EEPD1: variants seen among roughly 807,000 people sequenced by gnomAD.
EEPD1 encodes endonuclease/exonuclease/phosphatase family domain-containing protein 1.
A neutral mutation model predicts 46.3 loss-of-function variants in EEPD1; 17 were observed. The observed-to-expected ratio is 0.37, with a 90% CI of 0.25 to 0.55. EEPD1 has a LOEUF of 0.55. EEPD1 is among the 20% of genes least tolerant of loss of function. The pLI, the probability that EEPD1 is intolerant of heterozygous loss-of-function variation, is 0.83. For missense variants in EEPD1, 673 were observed against 745.6 expected (o/e 0.90, Z 1.13); for synonymous variants, 313 against 315.6 (o/e 0.99, Z 0.09).
intron 2 of EEPD1, among the ~76,000 whole-genome samples, chr7:36,192,914 T>C (rs1449624662): frequency 6.6e-6 from 1 of 152,182 alleles, no homozygotes; most frequent in Non-Finnish European, 1.5e-5. Flanking sequence ...GGTGGCCAGA[T>C]CTCCGGACCA....
Position 36,164,731 on chromosome 7 carries a change from A to G in EEPD1, c.878+9529A>G, listed in dbSNP as rs889037561. Among the ~76,000 whole-genome samples, 3 of 152,188 alleles carry G rather than the reference A, an allele frequency of 2.0e-5. No homozygotes were observed. The East Asian group carries it at 5.8e-4, about 29-fold the overall frequency. ...TATTTTGGTCAATGATAGATGGTGT[A>G]TATGTTCCCAGAAGATTATAATGGA... On this transcript the variant is annotated intron_variant, in intron 2 of 7. Coordinates refer to ENST00000242108, the MANE Select transcript of EEPD1 (RefSeq NM_030636.3).
chr7:36,255,440 A>G (rs6973430), intron 3 of EEPD1, among the ~76,000 whole-genome samples: 71,626 of 152,052 alleles, frequency 0.47, 17,130 homozygotes, highest in Non-Finnish European at 0.51. Context: ...CAAAGATCAA[A>G]TGGTTGTAGA....
At chr7:36,283,107 A>G (rs1787286286) in intron 4 of EEPD1, among the ~76,000 whole-genome samples, 1 of 152,178 alleles carries the variant, frequency 6.6e-6, no homozygotes, top group South Asian at 2.1e-4. Flanking sequence ...AGACCTAGTA[A>G]GATGAAATGA....
chr7:36,228,392 T>C (rs980417601), intron 2 of EEPD1, among the ~76,000 whole-genome samples: 5 of 152,096 alleles, frequency 3.3e-5, no homozygotes, highest in African/African-American at 1.2e-4. Context: ...CCAAGCATGG[T>C]GGCACACACC....
intron 6 of EEPD1, among the ~76,000 whole-genome samples, chr7:36,294,102 G>C (rs1787487654): frequency 6.6e-6 from 1 of 152,140 alleles, no homozygotes; most frequent in African/African-American, 2.4e-5. Context: ...ATACACGTCT[G>C]CTCCTCTGTG....
intron 2 of EEPD1, among the ~76,000 whole-genome samples, chr7:36,198,640 A>G (rs1785656995): frequency 1.3e-5 from 2 of 152,358 alleles, no homozygotes; most frequent in African/African-American, 4.8e-5. Flanking sequence ...TGGAATGTCA[A>G]GTCCTTCTTC....
chr7:36,186,522 C>T (rs1188844504), intron 2 of EEPD1, among the ~76,000 whole-genome samples: 1 of 152,226 alleles, frequency 6.6e-6, no homozygotes, highest in African/African-American at 2.4e-5. Flanking sequence ...AGCAAAAATG[C>T]ATCGCCACAT....
intron 2 of EEPD1, among the ~76,000 whole-genome samples, chr7:36,232,353 C>T (rs1353207253): frequency 6.6e-6 from 1 of 151,840 alleles, no homozygotes; most frequent in Admixed American, 6.6e-5. Context: ...TGCAGGCGCC[C>T]ACCACCAGGC....
At chr7:36,217,757 G>A (rs1294499655) in intron 2 of EEPD1, among the ~76,000 whole-genome samples, 2 of 152,278 alleles carry the variant, frequency 1.3e-5, no homozygotes, top group Admixed American at 6.5e-5. Flanking sequence ...GGAGAGAGGG[G>A]GGATTGCTTT....
At position 36,167,958 on chromosome 7, in the gene EEPD1, G is replaced by A. The variant is rs143263777; in HGVS notation, c.878+12756G>A. ...CCATAGTGCCCTTTAGAATTGCTGT[G>A]GAAGGGCGAGATTCAGAGTGACCCC... On this transcript the variant is annotated intron_variant, in intron 2 of 7. Coordinates refer to ENST00000242108, the MANE Select transcript of EEPD1 (RefSeq NM_030636.3). 4.7e-3 allele frequency among the ~76,000 whole-genome samples: 716 copies of A among 152,248 alleles called. 4 individuals carry two copies. Among genetic ancestry groups the A allele is most frequent in the Non-Finnish European group, 6.5e-3 (443 of 68,024 alleles).
chr7:36,274,850 C>T lies in EEPD1; in HGVS notation c.931-6265C>T, dbSNP rs769175886. 3.9e-5 allele frequency among the ~76,000 whole-genome samples: 6 copies of T among 152,294 alleles called. No individual in the cohort carries two copies. The South Asian group carries it at 8.3e-4, about 21-fold the overall frequency. ...CCTGGCACGCGGACACCCTTGCTTA[C>T]CGTTCACATTTCTAAAAATGTTGCC... is the stretch of plus-strand genomic sequence containing the variant. On this transcript the variant is annotated intron_variant, in intron 3 of 7. Coordinates refer to ENST00000242108, the MANE Select transcript of EEPD1 (RefSeq NM_030636.3).
intron 3 of EEPD1, among the ~76,000 whole-genome samples, chr7:36,252,113 C>T (rs1312710913): frequency 2.7e-4 from 41 of 152,124 alleles, no homozygotes; most frequent in Admixed American, 2.7e-3. Context: ...TTCGTTACTT[C>T]TTAGTCTTCT....
At chr7:36,167,051 T>C (rs537941575) in intron 2 of EEPD1, among the ~76,000 whole-genome samples, 11 of 152,292 alleles carry the variant, frequency 7.2e-5, no homozygotes, top group African/African-American at 2.6e-4. Flanking sequence ...TGACTGTCCT[T>C]TCCCTGCGTC....
At chr7:36,291,355 A>T (rs921088923) in intron 6 of EEPD1, among the ~76,000 whole-genome samples, 4 of 152,264 alleles carry the variant, frequency 2.6e-5, no homozygotes, top group Admixed American at 2.0e-4. Context: ...CTTCCATCCT[A>T]GCCCTTTGTG....
intron 2 of EEPD1, among the ~76,000 whole-genome samples, chr7:36,164,163 CTT>C (rs1273597244): frequency 6.6e-6 from 1 of 152,178 alleles, no homozygotes; most frequent in Non-Finnish European, 1.5e-5. Context: ...ACTTTTCTGT[CTT>C]TTATAATTGT....
At chr7:36,245,455 AC>A (rs935760207) in intron 3 of EEPD1, among the ~76,000 whole-genome samples, 4 of 152,032 alleles carry the variant, frequency 2.6e-5, no homozygotes, top group Non-Finnish European at 5.9e-5. Flanking sequence ...ATACACAGAG[AC>A]CCCCAAGGCA....
intron 3 of EEPD1, among the ~76,000 whole-genome samples, chr7:36,249,838 G>A (rs1284541455): frequency 1.3e-5 from 2 of 152,124 alleles, no homozygotes; most frequent in African/African-American, 2.4e-5. Context: ...TGACACAAAT[G>A]TTTATTTAAA....
chr7:36,287,097 C>CACACTAAAAATAAAAAAATTAT (rs1787351810), intron 5 of EEPD1, among the ~76,000 whole-genome samples: 1 of 151,588 alleles, frequency 6.6e-6, no homozygotes, highest in Non-Finnish European at 1.5e-5. Flanking sequence ...ATTAGCTGGG[C>CACACTAAAAATAAAAAAATTAT]ATGGTGGCAC....
intron 2 of EEPD1, among the ~76,000 whole-genome samples, chr7:36,169,744 G>A (rs1358098641): frequency 6.6e-6 from 1 of 152,256 alleles, no homozygotes; most frequent in South Asian, 2.1e-4. Flanking sequence ...AACAAACCCC[G>A]CATCTGGGAA....
Sources: gnomAD v4.1 joint callset for allele counts (sites outside exome capture counted in the v4.1 genomes callset) on GRCh38, gnomAD v4.1.1 for gene constraint, MANE v1.5 for transcripts, NCBI Gene and HGNC (gene_info 2026-07-23, HGNC 2026-07-21) for gene names.